The following RERE variants were observed in gnomAD, a reference collection of about 807,000 sequenced individuals.
RERE encodes arginine-glutamic acid dipeptide repeats.
RERE carries 40 observed loss-of-function variants against 146.1 expected under a neutral mutation model. That is an observed-to-expected ratio of 0.27 (90% CI 0.21 to 0.36). The LOEUF (loss-of-function observed/expected upper bound fraction) is 0.36. Among genes scored for constraint, RERE ranks in the 10% least tolerant of loss-of-function variants. The pLI, the probability that RERE is intolerant of heterozygous loss-of-function variation, is 1.00. For missense variants in RERE, 1,933 were observed against 2,138.7 expected, an observed-to-expected ratio of 0.90 and a Z score of 1.90; for synonymous variants, 1,003 against 866.0, an observed-to-expected ratio of 1.16 and a Z score of -2.78.
chr1:8,555,233 G>T (rs1211424095), intron 6 of RERE, among the ~76,000 whole-genome samples: 1 of 152,286 alleles, frequency 6.6e-6, no homozygotes, highest in East Asian at 1.9e-4. Context: ...AGCAAAAGAA[G>T]AATATTTCCT....
At position 8,419,614 on chromosome 1, in the gene RERE, C is replaced by A. The variant is rs113887182; in HGVS notation, c.1284+3113G>T. ...TACTTTTCAAAGCATTTAGCTACCA[C>A]CTTATGTAGTATTTAAGGTAGACAG... On this transcript the variant is annotated intron_variant, in intron 12 of 22. Transcript: ENST00000400908. Among the ~76,000 whole-genome samples the A allele has an allele frequency of 1.2e-3, 185 of 152,312 alleles. 1 individual carries two copies. Among genetic ancestry groups the A allele is most frequent in the African/African-American group, 4.0e-3 (165 of 41,564 alleles).
chr1:8,633,706 C>A (rs1040135323), intron 2 of RERE, among the ~76,000 whole-genome samples: 2 of 152,012 alleles, frequency 1.3e-5, no homozygotes, highest in South Asian at 4.1e-4. Context: ...GCAGGTGGAT[C>A]GTGTGAGCCC....
chr1:8,795,755 G>A (rs1466064428), intron 1 of RERE, among the ~76,000 whole-genome samples: 2 of 152,108 alleles, frequency 1.3e-5, no homozygotes, highest in African/African-American at 2.4e-5. Context: ...GGCCAAGGCC[G>A]GCAGATCATC....
intron 1 of RERE, among the ~76,000 whole-genome samples, chr1:8,696,442 C>G (rs1167830738): frequency 2.0e-5 from 3 of 152,062 alleles, no homozygotes; most frequent in African/African-American, 7.2e-5. Context: ...GGTAAAACCC[C>G]ATCTCTACTA....
intron 12 of RERE, among the ~76,000 whole-genome samples, chr1:8,409,869 T>C (rs1643563749): frequency 6.6e-6 from 1 of 151,942 alleles, no homozygotes; most frequent in Non-Finnish European, 1.5e-5. Context: ...TCATGCATGA[T>C]GATGTTGGGC....
chr1:8,448,716 C>G (rs1000428238), intron 11 of RERE, among the ~76,000 whole-genome samples: 1 of 152,160 alleles, frequency 6.6e-6, no homozygotes, highest in Non-Finnish European at 1.5e-5. Flanking sequence ...GTAATCCCAG[C>G]TACTTGGGAG....
intron 11 of RERE, among the ~76,000 whole-genome samples, chr1:8,436,594 T>C (rs1644173382): frequency 6.6e-6 from 1 of 152,188 alleles, no homozygotes; most frequent in Admixed American, 6.5e-5. Flanking sequence ...TGAGAGGATT[T>C]TGCAAAAACT....
At chr1:8,374,535 T>A (rs112275341) in intron 12 of RERE, among the ~76,000 whole-genome samples, 1,914 of 152,162 alleles carry the variant, frequency 0.013, 39 homozygotes, top group African/African-American at 0.044. Flanking sequence ...GCCCCACACC[T>A]CCACTCAGAC....
intron 4 of RERE, among the ~76,000 whole-genome samples, chr1:8,575,678 C>T (rs1646286498): frequency 6.6e-6 from 1 of 150,984 alleles, no homozygotes; most frequent in East Asian, 1.9e-4. Context: ...TAGACTTGGG[C>T]CATTGTGCCC....
Position 8,805,007 on chromosome 1 carries a change from G to GTTTTTTTT in RERE, c.-145+12152_-145+12153insAAAAAAAA, listed in dbSNP as rs1557553356. Among the ~76,000 whole-genome samples, 30 of 61,354 alleles carry GTTTTTTTT rather than the reference G, an allele frequency of 4.9e-4. 1 individual carries two copies. Among genetic ancestry groups the GTTTTTTTT allele is most frequent in the East Asian group, 8.6e-4 (1 of 1,158 alleles). 40.3% of individuals were successfully genotyped at this position (61,354 alleles called of 152,430 possible). A position where few individuals can be genotyped will look rare whatever the true frequency, so the allele number is the denominator to read the frequency against. On this transcript the variant is annotated intron_variant, in intron 1 of 22. Transcript: ENST00000400908. ...ATTTTTTTTGTTTTGTTTTGTTTTT[G>GTTTTTTTT]GTTTTTTTTTTTTTTTTTTTTGAGA...
chr1:8,736,858 A>C (rs1640210800), intron 1 of RERE, among the ~76,000 whole-genome samples: 1 of 151,312 alleles, frequency 6.6e-6, no homozygotes, highest in Non-Finnish European at 1.5e-5. Context: ...GGGGAAAAAA[A>C]AAAAAAAAAA....
chr1:8,720,887 C>T (rs1452911660), intron 1 of RERE, among the ~76,000 whole-genome samples: 2 of 152,136 alleles, frequency 1.3e-5, no homozygotes, highest in African/African-American at 4.8e-5. Context: ...GCAACCCCGT[C>T]TCTACTAAAA....
At chr1:8,804,996 G>GGTTTTTTTT (rs1557553291) in intron 1 of RERE, among the ~76,000 whole-genome samples, 1 of 116,348 alleles carries the variant, frequency 8.6e-6, no homozygotes, top group African/African-American at 3.2e-5. Context: ...TTTTTGTTTT[G>GGTTTTTTTT]TTTTGTTTTT....
intron 2 of RERE, among the ~76,000 whole-genome samples, chr1:8,655,701 T>C (rs1638264696): frequency 6.6e-6 from 1 of 152,206 alleles, no homozygotes; most frequent in Non-Finnish European, 1.5e-5. Flanking sequence ...ACTAAGCAGA[T>C]GGTCCAGTTA....
intron 12 of RERE, among the ~76,000 whole-genome samples, chr1:8,371,788 G>GT (rs1451108215): frequency 7.2e-5 from 11 of 152,210 alleles, no homozygotes; most frequent in Admixed American, 4.6e-4. Context: ...GAGGCTGCCT[G>GT]TACCCATTTC....
chr1:8,761,123 A>C (rs1276537074), intron 1 of RERE, among the ~76,000 whole-genome samples: 1 of 152,208 alleles, frequency 6.6e-6, no homozygotes, highest in African/African-American at 2.4e-5. Context: ...TACCAAAATG[A>C]GAATCAAAAT....
intron 11 of RERE, among the ~76,000 whole-genome samples, chr1:8,435,252 C>G (rs1349991121): frequency 6.6e-6 from 1 of 152,170 alleles, no homozygotes. Flanking sequence ...TTAGATAACA[C>G]GATATAGGCT....
chr1:8,426,433 G>A (rs1483642345), intron 11 of RERE, among the ~76,000 whole-genome samples: 1 of 143,488 alleles, frequency 7.0e-6, no homozygotes, highest in Non-Finnish European at 1.5e-5. Context: ...CAGCCTGGGC[G>A]ACAGAGACTC....
At chr1:8,696,479 T>TGG (rs1305920209) in intron 1 of RERE, among the ~76,000 whole-genome samples, 3 of 151,990 alleles carry the variant, frequency 2.0e-5, no homozygotes, top group Non-Finnish European at 4.4e-5. Context: ...CCAGGTGTGG[T>TGG]GGCACACATC....
Sources: gnomAD v4.1 joint callset for allele counts (sites outside exome capture counted in the v4.1 genomes callset) on GRCh38, gnomAD v4.1.1 for gene constraint, MANE v1.5 for transcripts, NCBI Gene and HGNC (gene_info 2026-07-23, HGNC 2026-07-21) for gene names.